Variants in RTN4 observed in about 807,000 individuals in gnomAD.
The protein encoded by RTN4 is reticulon 4, also known as reticulon-4.
In RTN4, 32 loss-of-function variants were observed where a neutral mutation model predicts 90.4. That is an observed-to-expected ratio of 0.35 (90% CI 0.27 to 0.48). The LOEUF is 0.48. Among genes scored for constraint, RTN4 ranks in the 20% least tolerant of loss-of-function variants. The pLI, the probability that RTN4 is intolerant of heterozygous loss-of-function variation, is 0.99. For missense variants in RTN4, 1,706 were observed against 1,430.2 expected (o/e 1.19, Z -3.11); for synonymous variants, 629 against 552.5 (o/e 1.14, Z -1.94).
At chr2:55,037,625 C>A (rs1358142986) in intron 1 of RTN4, among the ~76,000 whole-genome samples, 1 of 152,284 alleles carries the variant, frequency 6.6e-6, no homozygotes, top group East Asian at 1.9e-4. Flanking sequence ...CTGACCCAGG[C>A]ATCTTATATC....
chr2:55,059,493 A>G (rs6760773), intron 2 of RTN4, among the ~76,000 whole-genome samples: 23,015 of 151,982 alleles, frequency 0.15, 2,915 homozygotes, highest in African/African-American at 0.35. Context: ...AGATGGGACT[A>G]CAAGTACGCA....
chr2:55,120,893 A>C, the RTN4 span, among the ~76,000 whole-genome samples: 7 of 152,152 alleles, frequency 4.6e-5, no homozygotes. Flanking sequence ...CAGCTGCTCC[A>C]GACATGGCAT....
chr2:55,032,104 G>A (rs755897267), intron 1 of RTN4, among the ~76,000 whole-genome samples: 5 of 150,718 alleles, frequency 3.3e-5, no homozygotes, highest in Non-Finnish European at 5.9e-5. Flanking sequence ...TTTTTGAGGC[G>A]GAGTCTTGCT....
rs752256827 is a variant in RTN4, at chr2:54,972,902, C to CAGATAGATT, written c.*253_*254insAATCTATCT. 35 of 354,656 alleles carry CAGATAGATT rather than the reference C, an allele frequency of 9.9e-5. No individual in the cohort carries two copies. Among genetic ancestry groups the CAGATAGATT allele is most frequent in the Non-Finnish European group, 4.0e-5 (8 of 197,982 alleles). The allele number at this position is 354,656 out of a possible 1,614,324, so 22.0% of individuals were successfully genotyped here. ...CAGGTTTTTTATTCCACCAGTGCCT[C>CAGATAGATT]AGATAGATAGGAAAAAGATATGATT... On this transcript the variant is annotated 3_prime_UTR_variant, in exon 9 of 9. Transcript: ENST00000337526.
intron 1 of RTN4, among the ~76,000 whole-genome samples, chr2:55,044,746 C>T (rs1454872614): frequency 1.6e-5 from 2 of 123,724 alleles, no homozygotes; most frequent in Non-Finnish European, 3.2e-5. Flanking sequence ...ATACCCATCA[C>T]TTCATTTTAA....
chr2:55,054,183 A>T (rs547735040), upstream of RTN4, among the ~76,000 whole-genome samples: 19 of 152,340 alleles, frequency 1.2e-4, no homozygotes, highest in South Asian at 3.7e-3. Flanking sequence ...GATTGAATGT[A>T]ATTCAGAGGT....
intron 3 of RTN4, among the ~76,000 whole-genome samples, chr2:54,989,226 TG>T (rs1345019120): frequency 6.6e-6 from 1 of 152,250 alleles, no homozygotes; most frequent in East Asian, 1.9e-4. Context: ...TGCCCATCAC[TG>T]TGTCCAGTAC....
chr2:55,064,110 GC>G (rs1301757962), intron 2 of RTN4, among the ~76,000 whole-genome samples: 4 of 150,948 alleles, frequency 2.6e-5, no homozygotes, highest in African/African-American at 9.7e-5. Context: ...TAGTCCCAGT[GC>G]CTCAGGAGGC....
chr2:55,033,900 T>TA (rs1406302816), intron 1 of RTN4, among the ~76,000 whole-genome samples: 1 of 152,206 alleles, frequency 6.6e-6, no homozygotes, highest in African/African-American at 2.4e-5. Context: ...ACAATTCTTC[T>TA]AGCTATTCTG....
At chr2:54,989,423 C>T (rs551877253) in intron 3 of RTN4, among the ~76,000 whole-genome samples, 3 of 152,316 alleles carry the variant, frequency 2.0e-5, no homozygotes, top group South Asian at 4.1e-4. Context: ...TAGTGCTATT[C>T]CACTAGTTTC....
chr2:55,127,523 T>A, the RTN4 span, among the ~76,000 whole-genome samples: 28 of 152,232 alleles, frequency 1.8e-4, no homozygotes, highest in Admixed American at 8.5e-4. Flanking sequence ...CTTCTTCATG[T>A]GTCCCCAAAC....
chr2:55,076,647 G>A (rs768626886), intron 2 of RTN4, among the ~76,000 whole-genome samples: 2 of 152,040 alleles, frequency 1.3e-5, no homozygotes, highest in African/African-American at 2.4e-5. Context: ...TGATCTGCCT[G>A]CCTCCCAAAG....
intron 5 of RTN4, among the ~76,000 whole-genome samples, chr2:54,978,554 C>G (rs1303310055): frequency 1.3e-5 from 2 of 150,890 alleles, no homozygotes; most frequent in African/African-American, 4.9e-5. Context: ...TATAGAGATA[C>G]TTCTTTCAAA....
At chr2:54,974,469 TG>T (rs1464169043) in intron 6 of RTN4, among the ~76,000 whole-genome samples, 3 of 152,188 alleles carry the variant, frequency 2.0e-5, no homozygotes, top group Admixed American at 2.0e-4. Flanking sequence ...TTAGTAGAAA[TG>T]GGGTTTCACC....
chr2:55,046,112 C>T (rs1683405371), intron 1 of RTN4, among the ~76,000 whole-genome samples: 1 of 152,130 alleles, frequency 6.6e-6, no homozygotes, highest in Non-Finnish European at 1.5e-5. Context: ...CAATGTTAAA[C>T]AGACAAGTGT....
At chr2:55,084,299 C>T (rs879536413) in intron 1 of RTN4, among the ~76,000 whole-genome samples, 14 of 144,074 alleles carry the variant, frequency 9.7e-5, no homozygotes, top group Non-Finnish European at 1.9e-4. Flanking sequence ...TGCATCCCCC[C>T]TGCCTTTTTT....
chr2:55,026,906 T>A lies in RTN4; in HGVS notation c.1193A>T (p.Asp398Val), dbSNP rs774624801. The change falls in exon 3 of 9, where the codon GAT (aspartate) becomes GTT (valine). Residue 398 changes from aspartate to valine, a missense_variant. By Grantham distance (152) the Asp-to-Val change is radical (BLOSUM62 -3). Transcript: ENST00000337526. Reference protein sequence around the residue: ...KPFERVWEVKDSKEDSDMLAA... With the variant: ...KPFERVWEVKVSKEDSDMLAA... ...CAACATATCACTATCTTCCTTACTA[T>A]CTTTCACTTCCCATACTCGCTCAAA... 1.9e-5 allele frequency: 30 copies of A among 1,613,818 alleles called. No homozygotes were observed. In the South Asian group the frequency reaches 3.0e-4, roughly 16 times the overall value.
At chr2:55,002,141 C>T (rs908971002) in intron 3 of RTN4, among the ~76,000 whole-genome samples, 2 of 152,240 alleles carry the variant, frequency 1.3e-5, no homozygotes, top group Admixed American at 6.5e-5. Context: ...TCACTGCAGC[C>T]TCGACCTCCT....
rs75687698 is a variant in RTN4 at position 55,093,313 on chromosome 2, G to A, written c.-213-12674C>T. 3.4e-4 allele frequency among the ~76,000 whole-genome samples: 51 copies of A among 151,926 alleles called. No individual in the cohort carries two copies. In the East Asian group the frequency reaches 9.3e-3, roughly 28 times the overall value. Reference sequence around the variant, plus strand: ...TTGAACTCTAAATGGCTAAATGCATGTATACCTGTATGTTGTTTTATTTAC... The same window carrying A: ...TTGAACTCTAAATGGCTAAATGCATATATACCTGTATGTTGTTTTATTTAC... On this transcript the variant is annotated intron_variant, in intron 1 of 3. Coordinates refer to the RTN4 transcript ENST00000427710.
Sources: gnomAD v4.1 joint callset for allele counts (sites outside exome capture counted in the v4.1 genomes callset) on GRCh38, gnomAD v4.1.1 for gene constraint, MANE v1.5 for transcripts, NCBI Gene and HGNC (gene_info 2026-07-23, HGNC 2026-07-21) for gene names.